The following GALNT15 variants were observed in gnomAD, a reference collection of about 807,000 sequenced individuals.
The protein encoded by GALNT15 is UDP-GalNAc transferase T15.
GALNT15 carries 67 observed loss-of-function variants against 66.8 expected under a neutral mutation model. That is an observed-to-expected ratio of 1.00 (90% CI 0.82 to 1.23). The LOEUF is 1.23. Among genes scored for constraint, GALNT15 ranks in the 50% most tolerant of loss-of-function variants. The pLI is 0.00. For missense variants in GALNT15, 827 were observed against 804.3 expected (o/e 1.03, Z -0.34); for synonymous variants, 313 against 311.5 (o/e 1.00, Z -0.05).
intron 1 of GALNT15, among the ~76,000 whole-genome samples, chr3:16,192,477 T>C (rs531500926): frequency 6.6e-6 from 1 of 152,288 alleles, no homozygotes; most frequent in South Asian, 2.1e-4. Context: ...GGGTTTTTTT[T>C]TTCATACCCA....
chr3:16,215,668 T>C lies in GALNT15; in HGVS notation c.1392+2905T>C, dbSNP rs530909294. Among the ~76,000 whole-genome samples the C allele has an allele frequency of 1.4e-4, 21 of 152,182 alleles. No individual in the cohort carries two copies. The East Asian group carries it at 3.7e-3, about 27-fold the overall frequency. ...GGCTCATGCCTGTAATCCCAGCACT[T>C]TGGGAGGCCGAGGTGGGTGGATCAT... is the stretch of plus-strand genomic sequence containing the variant. On this transcript the variant is annotated intron_variant, in intron 6 of 9. Coordinates refer to ENST00000339732, the MANE Select transcript of GALNT15 (RefSeq NM_054110.5).
downstream of GALNT15, among the ~76,000 whole-genome samples, chr3:16,232,683 G>A (rs746850823): frequency 6.6e-6 from 1 of 150,862 alleles, no homozygotes; most frequent in Non-Finnish European, 1.5e-5. Context: ...CACCTTGATA[G>A]TATTTGATCC....
chr3:16,198,890 A>G (rs1454759055), intron 2 of GALNT15, among the ~76,000 whole-genome samples: 1 of 142,108 alleles, frequency 7.0e-6, no homozygotes, highest in Non-Finnish European at 1.6e-5. Flanking sequence ...TCCAGCTACC[A>G]AAGCAGCCAG....
In GALNT15 at chr3:16,187,874, C is replaced by T. The variant is rs1052762074; in HGVS notation, c.540-7886C>T. On this transcript the variant is annotated intron_variant, in intron 1 of 9. Transcript: ENST00000339732. This position sits in a 1 kb window ranked among gnomAD's most constrained non-coding sequence, Gnocchi z 5.1. ...GTGGCTATGATAAATATTAATAAGA[C>T]ACCTGCATCACAGGTGCTACCCTAT... Among the ~76,000 whole-genome samples, 3 of 152,198 alleles carry T rather than the reference C, an allele frequency of 2.0e-5. No homozygotes were observed. Among genetic ancestry groups the T allele is most frequent in the Non-Finnish European group, 1.5e-5 (1 of 68,030 alleles).
Position 16,175,788 on chromosome 3 carries a change from C to T in GALNT15, c.539+98C>T. Reference sequence around the variant, plus strand: ...ACTTTCCGTAGCCTGCCTCTCCTGACTTAGAGCAAGTGCTTTTCAAGATGC... The same window carrying T: ...ACTTTCCGTAGCCTGCCTCTCCTGATTTAGAGCAAGTGCTTTTCAAGATGC... On this transcript the variant is annotated intron_variant, in intron 1 of 9. Coordinates refer to ENST00000339732, the MANE Select transcript of GALNT15 (RefSeq NM_054110.5). This position sits in a 1 kb window ranked among gnomAD's most constrained non-coding sequence, Gnocchi z 5.6. 1 of 1,127,108 alleles carries T rather than the reference C, an allele frequency of 8.9e-7. No homozygotes were observed. The highest frequency in any genetic ancestry group is 1.2e-6 in the Non-Finnish European group (1 of 813,188). 69.8% of individuals were successfully genotyped at this position (1,127,108 alleles called of 1,614,324 possible). A position where few individuals can be genotyped will look rare whatever the true frequency, so the allele number is the denominator to read the frequency against.
intron 6 of GALNT15, among the ~76,000 whole-genome samples, chr3:16,216,748 T>G (rs568119656): frequency 1.4e-4 from 22 of 152,222 alleles, no homozygotes; most frequent in African/African-American, 5.3e-4. Context: ...TTACTGAAAT[T>G]TTTCGCATGC....
At chr3:16,205,676 A>G (rs1313366179) in intron 3 of GALNT15, among the ~76,000 whole-genome samples, 1 of 152,254 alleles carries the variant, frequency 6.6e-6, no homozygotes, top group African/African-American at 2.4e-5. Context: ...AAAACCACAA[A>G]GCTAAATAGA....
Position 16,200,970 on chromosome 3 carries a change from G to C in GALNT15, c.911+147G>C. ...TCCCTTCGGGTTTTCAGATGTGTAA[G>C]TTTTTTAAGACTATAGAGTTAGAGT... On this transcript the variant is annotated intron_variant, in intron 3 of 9. Coordinates refer to ENST00000339732, the MANE Select transcript of GALNT15 (RefSeq NM_054110.5). The surrounding 1 kb of genome is among the most constrained non-coding windows in gnomAD (Gnocchi z 4.4). 4 of 581,636 alleles carry C rather than the reference G, an allele frequency of 6.9e-6. No individual in the cohort carries two copies. The highest frequency in any genetic ancestry group is 1.1e-5 in the Non-Finnish European group (4 of 353,200). The allele number at this position is 581,636 out of a possible 1,614,324, so 36.0% of individuals were successfully genotyped here. A position where few individuals can be genotyped will look rare whatever the true frequency, so the allele number is the denominator to read the frequency against.
chr3:16,210,633 T>A (rs1211083602), intron 4 of GALNT15, among the ~76,000 whole-genome samples: 1 of 152,214 alleles, frequency 6.6e-6, no homozygotes, highest in Non-Finnish European at 1.5e-5. Flanking sequence ...AGTGGGGACT[T>A]ATCTGCTTCC....
At chr3:16,220,076 T>A in intron 8 of GALNT15, 62 bp downstream of exon 8, 1 of 1,255,172 alleles carries the variant, frequency 8.0e-7, no homozygotes, top group Non-Finnish European at 1.2e-6. Context: ...TGGGCGATAT[T>A]TTTCTGGGAT....
Position 16,222,736 on chromosome 3 carries a change from A to C in GALNT15, c.1751A>C (p.Gln584Pro), listed in dbSNP as rs775102704. The change falls in exon 9 of 10, where the codon CAG becomes CCG. Residue 584 changes from glutamine (Q) to proline (P), a missense_variant. By Grantham distance (76) the Gln-to-Pro change is moderately conservative. Transcript: ENST00000339732. The part of the protein sequence containing the change: ...NCTEEGLAIH[Q>P]QHWDFQENGM... ...ACGGAGGAAGGCCTGGCCATCCACC[A>C]GCAGCACTGGGACTTCCAGGAGGTG... The C allele has an allele frequency of 6.2e-7, 1 of 1,614,210 alleles. No individual in the cohort carries two copies. Among genetic ancestry groups the C allele is most frequent in the East Asian group, 2.2e-5 (1 of 44,886 alleles).
At position 16,189,152 on chromosome 3, in the gene GALNT15, T is replaced by A. The variant is rs1297880151; in HGVS notation, c.540-6608T>A. Among the ~76,000 whole-genome samples the A allele has an allele frequency of 6.6e-6, 1 of 152,174 alleles. No individual in the cohort carries two copies. The highest frequency in any genetic ancestry group is 1.5e-5 in the Non-Finnish European group (1 of 68,036). On this transcript the variant is annotated intron_variant, in intron 1 of 9. Transcript: ENST00000339732. The surrounding 1 kb of genome is among the most constrained non-coding windows in gnomAD (Gnocchi z 5.1). ...GAAGATTGGAGAGCTTTGCTCCCGG[T>A]GGCAGCCTGAATCACAGGAAACATT...
Position 16,203,842 on chromosome 3 carries a change from G to C in GALNT15, c.911+3019G>C, listed in dbSNP as rs1322720562. On this transcript the variant is annotated intron_variant, in intron 3 of 9. Coordinates refer to ENST00000339732, the MANE Select transcript of GALNT15 (RefSeq NM_054110.5). This position sits in a 1 kb window ranked among gnomAD's most constrained non-coding sequence, Gnocchi z 6.2. ...AACGCTCTATGAGCTGTGGCAGGGA[G>C]AGCAGCCTCATTCAGTGTGTGCTTT... Among the ~76,000 whole-genome samples, 1 of 152,120 alleles carries C rather than the reference G, an allele frequency of 6.6e-6. No homozygotes were observed. The highest frequency in any genetic ancestry group is 1.5e-5 in the Non-Finnish European group (1 of 68,042).
Position 16,187,030 on chromosome 3 carries a change from C to G in GALNT15, c.540-8730C>G, listed in dbSNP as rs2063524225. Among the ~76,000 whole-genome samples the G allele has an allele frequency of 6.6e-6, 1 of 152,124 alleles. No individual in the cohort carries two copies. Among genetic ancestry groups the G allele is most frequent in the African/African-American group, 2.4e-5 (1 of 41,432 alleles). On this transcript the variant is annotated intron_variant, in intron 1 of 9. Coordinates refer to ENST00000339732, the MANE Select transcript of GALNT15 (RefSeq NM_054110.5). This position sits in a 1 kb window ranked among gnomAD's most constrained non-coding sequence, Gnocchi z 5.1. ...CCTGTAATCCCAGCACTTTGGGAGG[C>G]CGAGGCGGGTGGATCATGAGGTCAG...
downstream of GALNT15, among the ~76,000 whole-genome samples, chr3:16,234,946 G>GA (rs2064117688): frequency 8.7e-6 from 1 of 115,240 alleles, no homozygotes; most frequent in Non-Finnish European, 1.8e-5. Context: ...TTTTTTTGTT[G>GA]GAGTCTCACT....
rs77633856 is a variant in GALNT15, at chr3:16,222,198, G to A, written c.1630-417G>A. ...GAGGAAACAATAACCATGAGTGAGA[G>A]CCAGCAGATACAACAAACGGCAGGA... On this transcript the variant is annotated intron_variant, in intron 8 of 9. Transcript: ENST00000339732. Among the ~76,000 whole-genome samples the A allele has an allele frequency of 7.2e-4, 109 of 152,340 alleles. 1 individual carries two copies. In the East Asian group the frequency reaches 0.019, roughly 27 times the overall value.
At chr3:16,197,733 C>G (rs951413300) in intron 2 of GALNT15, among the ~76,000 whole-genome samples, 1 of 152,120 alleles carries the variant, frequency 6.6e-6, no homozygotes, top group Non-Finnish European at 1.5e-5. Context: ...AAAATGCTTG[C>G]GATGACCAGC....
intron 1 of GALNT15, among the ~76,000 whole-genome samples, chr3:16,185,760 T>C (rs957690687): frequency 1.2e-3 from 153 of 132,794 alleles, no homozygotes; most frequent in Non-Finnish European, 2.0e-3. Context: ...GATAGATAGA[T>C]AGATAGATAG....
intron 1 of GALNT15, among the ~76,000 whole-genome samples, chr3:16,190,593 G>C (rs918294075): frequency 4.7e-5 from 7 of 147,514 alleles, no homozygotes; most frequent in Admixed American, 6.9e-5. Context: ...AGCCAAGATC[G>C]CGCCACTGCA....
Sources: gnomAD v4.1 joint callset for allele counts (sites outside exome capture counted in the v4.1 genomes callset) on GRCh38, gnomAD v4.1.1 for gene constraint, Gnocchi (gnomAD v3.1) non-coding constraint, MANE v1.5 for transcripts, NCBI Gene and HGNC (gene_info 2026-07-23, HGNC 2026-07-21) for gene names.